Variants in KCNK10 observed in about 807,000 individuals in gnomAD.
KCNK10 encodes potassium two pore domain channel subfamily K member 10.
Under a neutral mutation model 47.7 loss-of-function variants are expected in KCNK10, and 25 were observed. That is an observed-to-expected ratio of 0.52 (90% CI 0.38 to 0.73). KCNK10 has a LOEUF of 0.73. Among genes scored for constraint, KCNK10 ranks in the 30% least tolerant of loss-of-function variants. The pLI is 0.00. For missense variants in KCNK10, 563 were observed against 714.5 expected, an observed-to-expected ratio of 0.79 and a Z score of 2.42; for synonymous variants, 303 against 285.6, an observed-to-expected ratio of 1.06 and a Z score of -0.61.
In KCNK10 at chr14:88,312,519, T is replaced by A. The variant is rs193089772; in HGVS notation, c.52+10228A>T. Among the ~76,000 whole-genome samples the A allele has an allele frequency of 2.4e-3, 371 of 152,222 alleles. 2 individuals carry two copies. Among genetic ancestry groups the A allele is most frequent in the African/African-American group, 8.0e-3 (332 of 41,570 alleles). ...CACCAGACACACACCAGACACCCCA[T>A]TCCCCAGCATTTCTACTGCTCGGCC... On this transcript the variant is annotated intron_variant, in intron 1 of 6. Coordinates refer to ENST00000319231, the MANE Select transcript of KCNK10 (RefSeq NM_138317.3).
intron 1 of KCNK10, among the ~76,000 whole-genome samples, chr14:88,292,379 T>C (rs1887898589): frequency 6.6e-6 from 1 of 152,118 alleles, no homozygotes; most frequent in South Asian, 2.1e-4. Flanking sequence ...AGATGGAGTC[T>C]CCCTCTGTCA....
chr14:88,194,016 G>C (rs1482278967), intron 4 of KCNK10, among the ~76,000 whole-genome samples: 1 of 152,156 alleles, frequency 6.6e-6, no homozygotes, highest in Non-Finnish European at 1.5e-5. Flanking sequence ...TTGTAAAAAG[G>C]AGGTACTTTT....
rs555179596 is a variant in KCNK10 at position 88,278,000 on chromosome 14, C to A, written c.53-14449G>T. The stretch of plus-strand genomic sequence containing the variant: ...AAAAGGGCTCGATTAATGTTCATGG[C>A]ATGAATTCAACAAATGTTTGCTGAG... On this transcript the variant is annotated intron_variant, in intron 1 of 6. Transcript: ENST00000319231. Among the ~76,000 whole-genome samples the A allele has an allele frequency of 4.5e-4, 69 of 152,302 alleles. No homozygotes were observed. The South Asian group carries it at 0.014, about 32-fold the overall frequency.
intron 2 of KCNK10, among the ~76,000 whole-genome samples, chr14:88,248,139 C>T (rs1356740798): frequency 6.6e-6 from 1 of 152,160 alleles, no homozygotes; most frequent in Non-Finnish European, 1.5e-5. Flanking sequence ...ATATGCCTTG[C>T]TCTCTCTGCA....
intron 3 of KCNK10, among the ~76,000 whole-genome samples, chr14:88,234,168 G>A (rs962796735): frequency 6.6e-6 from 1 of 152,198 alleles, no homozygotes; most frequent in South Asian, 2.1e-4. Flanking sequence ...AGGCCACCCA[G>A]CTTCCTTTGT....
At chr14:88,219,811 T>G (rs1885739065) in intron 4 of KCNK10, among the ~76,000 whole-genome samples, 1 of 152,050 alleles carries the variant, frequency 6.6e-6, no homozygotes, top group Admixed American at 6.5e-5. Context: ...CACAAATAAT[T>G]TTCATTTCTA....
intron 2 of KCNK10, among the ~76,000 whole-genome samples, chr14:88,257,971 C>G (rs1293753652): frequency 6.6e-6 from 1 of 152,084 alleles, no homozygotes; most frequent in Admixed American, 6.5e-5. Flanking sequence ...CACTAGATGT[C>G]TATAGCACCT....
chr14:88,239,394 C>A lies in KCNK10; in HGVS notation c.520+1309G>T, dbSNP rs375452755. 3.8e-4 allele frequency among the ~76,000 whole-genome samples: 58 copies of A among 152,090 alleles called. No homozygotes were observed. The East Asian group carries it at 7.5e-3, about 20-fold the overall frequency. ...GCCAAGAGTTATCATTTAAAGCTGG[C>A]AAATCATATAAGAGAAACATAAGCA... On this transcript the variant is annotated intron_variant, in intron 3 of 6. Transcript: ENST00000319231.
intron 2 of KCNK10, among the ~76,000 whole-genome samples, chr14:88,242,446 A>G (rs543194401): frequency 6.6e-6 from 1 of 152,302 alleles, no homozygotes; most frequent in East Asian, 1.9e-4. Context: ...TGCGAGCTAG[A>G]TTTGGCAGAC....
chr14:88,280,793 A>G (rs1002235203), intron 1 of KCNK10, among the ~76,000 whole-genome samples: 1 of 151,844 alleles, frequency 6.6e-6, no homozygotes, highest in Non-Finnish European at 1.5e-5. Context: ...CCCTCCATCC[A>G]GGCTACCTGC....
At chr14:88,195,244 G>A (rs1884874674) in intron 4 of KCNK10, among the ~76,000 whole-genome samples, 1 of 152,154 alleles carries the variant, frequency 6.6e-6, no homozygotes, top group African/African-American at 2.4e-5. Flanking sequence ...CTAAATAGCT[G>A]AGTGACCTTA....
chr14:88,258,715 GT>G (rs1189851924), intron 2 of KCNK10, among the ~76,000 whole-genome samples: 1 of 152,190 alleles, frequency 6.6e-6, no homozygotes, highest in Non-Finnish European at 1.5e-5. Context: ...GGATGAGAAT[GT>G]CCCCTTCATA....
At chr14:88,217,222 C>T (rs903260044) in intron 4 of KCNK10, among the ~76,000 whole-genome samples, 4 of 152,142 alleles carry the variant, frequency 2.6e-5, no homozygotes, top group African/African-American at 7.2e-5. Flanking sequence ...TTGTTAGGAA[C>T]TTATAATATG....
intron 1 of KCNK10, among the ~76,000 whole-genome samples, chr14:88,307,079 G>C (rs1300045116): frequency 6.6e-6 from 1 of 152,206 alleles, no homozygotes; most frequent in African/African-American, 2.4e-5. Context: ...CCAGAGACCA[G>C]TGAGTGGATG....
At chr14:88,293,539 A>G (rs1887922271) in intron 1 of KCNK10, among the ~76,000 whole-genome samples, 1 of 151,928 alleles carries the variant, frequency 6.6e-6, no homozygotes, top group Admixed American at 6.6e-5. Flanking sequence ...CCATCTCCAA[A>G]CTAGAAATCA....
intron 1 of KCNK10, among the ~76,000 whole-genome samples, chr14:88,267,148 G>A (rs142860668): frequency 1.4e-4 from 21 of 152,174 alleles, no homozygotes; most frequent in Admixed American, 4.6e-4. Flanking sequence ...TTTTCTAAAC[G>A]TCCACAGGGT....
Position 88,260,271 on chromosome 14 carries a change from A to G in KCNK10, c.402+2931T>C, listed in dbSNP as rs1300345062. 6.6e-6 allele frequency among the ~76,000 whole-genome samples: 1 copy of G among 152,046 alleles called. No homozygotes were observed. The highest frequency in any genetic ancestry group is 1.5e-5 in the Non-Finnish European group (1 of 68,014). On this transcript the variant is annotated intron_variant, in intron 2 of 6. Coordinates refer to ENST00000319231, the MANE Select transcript of KCNK10 (RefSeq NM_138317.3). The surrounding 1 kb of genome is among the most constrained non-coding windows in gnomAD (Gnocchi z 4.5). ...ATATGGTTGTTTAAAAGTGTGTAGC[A>G]TCCCTCCCTTTGCTCTCTCTTCCTC...
chr14:88,204,770 A>T (rs7152911), intron 4 of KCNK10, among the ~76,000 whole-genome samples: 11 of 151,860 alleles, frequency 7.2e-5, no homozygotes, highest in African/African-American at 2.7e-4. Flanking sequence ...CAGCAAAATT[A>T]AGAGAAAGGT....
chr14:88,270,612 C>A, intron 1 of KCNK10: 2 of 740,824 alleles, frequency 2.7e-6, no homozygotes, highest in African/African-American at 1.7e-5. Flanking sequence ...TGACTGAGAC[C>A]CTATGGAGCC....
Sources: allele counts gnomAD v4.1 joint callset (sites outside exome capture counted in the v4.1 genomes callset), GRCh38; gene constraint gnomAD v4.1.1; non-coding constraint Gnocchi (gnomAD v3.1); transcripts MANE v1.5; gene names NCBI Gene and HGNC (gene_info 2026-07-23, HGNC 2026-07-21).